The following HELZ variants were observed in gnomAD, a reference collection of about 807,000 sequenced individuals.
HELZ encodes the protein ATP-dependent RNA helicase with zinc finger domain.
HELZ carries 23 observed loss-of-function variants against 218.2 expected under a neutral mutation model. The observed-to-expected ratio is 0.11, with a 90% CI of 0.08 to 0.15. The LOEUF (loss-of-function observed/expected upper bound fraction) is 0.15, where lower values mean the gene tolerates loss of function less well. Among genes scored for constraint, HELZ ranks in the 10% least tolerant of loss-of-function variants. The probability of loss-of-function intolerance (pLI) is 1.00; values close to 1 mark genes in which losing one functional copy is unlikely to be tolerated. For synonymous variants in HELZ, 814 were observed against 829.4 expected, an observed-to-expected ratio of 0.98 and a Z score of 0.32; for missense variants, 1,813 against 2,353.7, an observed-to-expected ratio of 0.77 and a Z score of 4.75.
intron 21 of HELZ, among the ~76,000 whole-genome samples, chr17:67,141,000 A>G (rs2038304971): frequency 6.6e-6 from 1 of 152,132 alleles, no homozygotes; most frequent in African/African-American, 2.4e-5. Context: ...AATGAGGGCA[A>G]AATAAAGACA....
At chr17:67,184,396 C>T (rs181714648) in intron 12 of HELZ, among the ~76,000 whole-genome samples, 4 of 152,244 alleles carry the variant, frequency 2.6e-5, no homozygotes, top group African/African-American at 7.2e-5. Context: ...AAGAGAAATA[C>T]GGTTCCAGCA....
At chr17:67,209,343 A>G (rs535185149) in intron 5 of HELZ, among the ~76,000 whole-genome samples, 1 of 152,188 alleles carries the variant, frequency 6.6e-6, no homozygotes, top group East Asian at 1.9e-4. Context: ...CACGCCTGTA[A>G]TCCCAACACT....
At position 67,195,438 on chromosome 17, in the gene HELZ, G is replaced by A. The variant is rs769560803; in HGVS notation, c.462C>T (p.His154=). Residue 154 remains histidine (H), a synonymous_variant, in exon 8 of 33, where the codon CAC becomes CAT. Coordinates refer to ENST00000358691, the MANE Select transcript of HELZ (RefSeq NM_014877.4). ...ACTTACCCTCATCTAAGTCTTCCAC[G>A]TGATATCCAGAGAGGGCGTTACTAG... ...TATSNALSGY[H]VEDLDEGSCN... 15 of 1,605,592 alleles carry A rather than the reference G, an allele frequency of 9.3e-6. No individual in the cohort carries two copies. Among genetic ancestry groups the A allele is most frequent in the East Asian group, 4.5e-5 (2 of 44,844 alleles).
intron 4 of HELZ, among the ~76,000 whole-genome samples, chr17:67,217,817 C>T (rs1262747705): frequency 6.6e-6 from 1 of 152,090 alleles, no homozygotes; most frequent in Non-Finnish European, 1.5e-5. Flanking sequence ...ATTGTAACCA[C>T]ATCTCTAACC....
intron 31 of HELZ, among the ~76,000 whole-genome samples, chr17:67,100,667 A>C (rs1450985085): frequency 6.6e-6 from 1 of 152,164 alleles, no homozygotes; most frequent in African/African-American, 2.4e-5. Flanking sequence ...GAAAAGTATA[A>C]TGGAAAAAAA....
intron 10 of HELZ, 66 bp downstream of exon 10, chr17:67,190,091 A>G (rs1382771082): frequency 1.5e-6 from 2 of 1,350,084 alleles, no homozygotes; most frequent in East Asian, 2.3e-5. Context: ...TAGAGCACAC[A>G]ATAAAGTCAA....
In HELZ at chr17:67,169,636, GC is replaced by G. The variant is rs764364430; in HGVS notation, c.1431-1841del. ...GGGGACATTCAAACTACAGCATTCTGCCCATAGCCTCCAAATGCATGTTCTT... is the reference window on the plus strand; with the variant it reads ...GGGGACATTCAAACTACAGCATTCTGCCATAGCCTCCAAATGCATGTTCTT... On this transcript the variant is annotated intron_variant, in intron 13 of 32. Coordinates refer to ENST00000358691, the MANE Select transcript of HELZ (RefSeq NM_014877.4). Among the ~76,000 whole-genome samples, 3 of 152,114 alleles carry G rather than the reference GC, an allele frequency of 2.0e-5. No homozygotes were observed. In the East Asian group the frequency reaches 5.8e-4, roughly 29 times the overall value.
chr17:67,238,182 A>G (rs1220171793), intron 3 of HELZ, among the ~76,000 whole-genome samples: 3 of 151,232 alleles, frequency 2.0e-5, no homozygotes, highest in Admixed American at 2.0e-4. Context: ...CGTCTTTACT[A>G]AAAATACAAA....
intron 27 of HELZ, among the ~76,000 whole-genome samples, chr17:67,118,465 GAC>G (rs1264904117): frequency 1.3e-5 from 2 of 151,502 alleles, no homozygotes; most frequent in Non-Finnish European, 2.9e-5. Flanking sequence ...TTTTTTTTAA[GAC>G]ACAACACCCA....
At chr17:67,133,143 G>A (rs1172564816) in intron 23 of HELZ, among the ~76,000 whole-genome samples, 3 of 152,042 alleles carry the variant, frequency 2.0e-5, no homozygotes. Context: ...ACTATGAAAT[G>A]TATGTTTTTT....
chr17:67,234,292 C>CAA (rs149931184), intron 3 of HELZ, among the ~76,000 whole-genome samples: 1,014 of 83,170 alleles, frequency 0.012, 10 homozygotes, highest in South Asian at 0.021. Context: ...CACTGTACTC[C>CAA]AAAAAAAAAA....
At chr17:67,084,388 C>T (rs1291317606) in intron 32 of HELZ, among the ~76,000 whole-genome samples, 7 of 152,136 alleles carry the variant, frequency 4.6e-5, no homozygotes, top group Non-Finnish European at 7.3e-5. Flanking sequence ...AGAGGCCGGG[C>T]GCGGTGGCTC....
chr17:67,122,553 A>C (rs1008387281), intron 26 of HELZ, among the ~76,000 whole-genome samples: 15 of 152,018 alleles, frequency 9.9e-5, no homozygotes, highest in African/African-American at 3.6e-4. Flanking sequence ...CTCAAAAAAA[A>C]AAAAATTAGC....
Position 67,073,892 on chromosome 17 carries a change from G to C in HELZ, c.*4360C>G, listed in dbSNP as rs2035953228. 6.6e-6 allele frequency: 1 copy of C among 152,120 alleles called. No homozygotes were observed. The highest frequency in any genetic ancestry group is 2.4e-5 in the African/African-American group (1 of 41,422). 9.4% of individuals were successfully genotyped at this position (152,120 alleles called of 1,614,324 possible). On this transcript the variant is annotated 3_prime_UTR_variant, in exon 33 of 33. Transcript: ENST00000358691. ...GCTAATAAATGTCCATCCTCAAGCAGATGGGAAATGTGAGGAGCATATCAT... is the reference window on the plus strand; with the variant it reads ...GCTAATAAATGTCCATCCTCAAGCACATGGGAAATGTGAGGAGCATATCAT...
At chr17:67,096,691 G>A (rs1227999740) in intron 31 of HELZ, among the ~76,000 whole-genome samples, 2 of 152,202 alleles carry the variant, frequency 1.3e-5, no homozygotes, top group Non-Finnish European at 2.9e-5. Context: ...TCACAGAATT[G>A]AAGAGAGTGA....
At chr17:67,082,949 TG>T (rs1435808220) in intron 32 of HELZ, among the ~76,000 whole-genome samples, 1 of 148,600 alleles carries the variant, frequency 6.7e-6, no homozygotes, top group Non-Finnish European at 1.5e-5. Context: ...CACCACCTCC[TG>T]GGTTCAAGTG....
In HELZ at chr17:67,203,441, G is replaced by A; in HGVS notation, c.250C>T (p.Leu84=). 1 of 1,613,334 alleles carries A rather than the reference G, an allele frequency of 6.2e-7. No homozygotes were observed. The highest frequency in any genetic ancestry group is 8.5e-7 in the Non-Finnish European group (1 of 1,179,670). The change falls in exon 6 of 33, where the codon CTG becomes TTG. Residue 84 remains leucine, a splice_region_variant and synonymous_variant. Transcript: ENST00000358691. ...VQADEDCRHV[L]GEGLAKGEDA... ...TCTCCCTTGGCCAGTCCTTCTCCCA[G>A]CACTGCCATGAAAGAACAGCCATCA...
chr17:67,186,408 A>AT (rs1227984970), intron 12 of HELZ, among the ~76,000 whole-genome samples: 1 of 152,124 alleles, frequency 6.6e-6, no homozygotes, highest in African/African-American at 2.4e-5. Context: ...CACACAGGCA[A>AT]TAAGTCGAAA....
intron 24 of HELZ, among the ~76,000 whole-genome samples, chr17:67,126,605 T>A (rs906702226): frequency 6.6e-6 from 1 of 152,074 alleles, no homozygotes; most frequent in Non-Finnish European, 1.5e-5. Context: ...TCCCAGCACT[T>A]TGGGAGGTCA....
Sources: gnomAD v4.1 joint callset for allele counts (sites outside exome capture counted in the v4.1 genomes callset) on GRCh38, gnomAD v4.1.1 for gene constraint, MANE v1.5 for transcripts, NCBI Gene and HGNC (gene_info 2026-07-23, HGNC 2026-07-21) for gene names.